IL33: variants seen among roughly 807,000 people sequenced by gnomAD.
The protein encoded by IL33 is interleukin-33.
IL33 carries 37 observed loss-of-function variants against 27.3 expected under a neutral mutation model. The ratio of observed to expected loss-of-function variants is 1.36; its 90% confidence interval spans 1.04 to 1.78. The LOEUF is 1.78. Ranked by LOEUF, IL33 falls within the 40% of genes most tolerant of loss-of-function variation. The pLI is 0.00. For missense variants in IL33, 406 were observed against 311.4 expected, an observed-to-expected ratio of 1.30 and a Z score of -2.29; for synonymous variants, 132 against 102.9, an observed-to-expected ratio of 1.28 and a Z score of -1.71.
At chr9:6,235,335 C>T (rs575346986) in intron 1 of IL33, among the ~76,000 whole-genome samples, 1 of 152,300 alleles carries the variant, frequency 6.6e-6, no homozygotes, top group East Asian at 1.9e-4. Context: ...ATGAGACACA[C>T]ACCCAGCCCT....
intron 1 of IL33, among the ~76,000 whole-genome samples, chr9:6,223,728 G>C (rs1001082386): frequency 6.6e-6 from 1 of 152,136 alleles, no homozygotes; most frequent in Non-Finnish European, 1.5e-5. Flanking sequence ...TATATCACTT[G>C]ATATACTTTT....
intron 7 of IL33, among the ~76,000 whole-genome samples, chr9:6,255,691 G>T (rs1430449312): frequency 6.6e-6 from 1 of 152,074 alleles, no homozygotes; most frequent in Non-Finnish European, 1.5e-5. Flanking sequence ...CATGTCAAAA[G>T]AAGGGTACAA....
chr9:6,230,511 C>T (rs1461124961), intron 1 of IL33, among the ~76,000 whole-genome samples: 3 of 152,152 alleles, frequency 2.0e-5, no homozygotes, highest in Non-Finnish European at 4.4e-5. Flanking sequence ...GAAACTGCTA[C>T]ACCCAAGGGA....
intron 2 of IL33, among the ~76,000 whole-genome samples, chr9:6,249,974 T>A (rs368101849): frequency 2.6e-5 from 4 of 152,184 alleles, no homozygotes; most frequent in African/African-American, 9.6e-5. Context: ...GAGAAAAGAT[T>A]GCACATTTCA....
rs1328521174 is a variant in IL33 at position 6,238,647 on chromosome 9, T to A, written c.-11-3037T>A. On this transcript the variant is annotated intron_variant, in intron 1 of 7. Transcript: ENST00000682010. ...TTTAACTGCTAGAAGAGATTATTCA[T>A]ATGAAGCTCATAAGAGATTTAAATT... Among the ~76,000 whole-genome samples the A allele has an allele frequency of 2.0e-5, 3 of 152,222 alleles. No homozygotes were observed. The East Asian group carries it at 5.8e-4, about 29-fold the overall frequency.
In IL33 at chr9:6,242,990, C is replaced by A. The variant is rs150470908; in HGVS notation, c.91+1205C>A. ...AGCAGGAGAAAGAGGAGAGGAGGGA[C>A]CAACCTTTTTTCAACAACCATCTTG... On this transcript the variant is annotated intron_variant, in intron 2 of 7. Coordinates refer to ENST00000682010, the MANE Select transcript of IL33 (RefSeq NM_033439.4). Among the ~76,000 whole-genome samples the A allele has an allele frequency of 1.2e-4, 18 of 152,228 alleles. No individual in the cohort carries two copies. In the East Asian group the frequency reaches 3.5e-3, roughly 29 times the overall value.
intron 1 of IL33, among the ~76,000 whole-genome samples, chr9:6,238,249 C>T (rs1291828826): frequency 2.0e-5 from 3 of 152,152 alleles, no homozygotes; most frequent in Admixed American, 1.3e-4. Context: ...TCAGTCTACT[C>T]ATCTGTAAAG....
At chr9:6,238,906 T>C (rs555702806) in intron 1 of IL33, among the ~76,000 whole-genome samples, 1 of 152,322 alleles carries the variant, frequency 6.6e-6, no homozygotes, top group Admixed American at 6.5e-5. Context: ...TTCTGCAATT[T>C]ATGATACAGA....
At chr9:6,226,159 C>T (rs867495737) in intron 1 of IL33, among the ~76,000 whole-genome samples, 178 of 152,128 alleles carry the variant, frequency 1.2e-3, no homozygotes, top group African/African-American at 4.0e-3. Flanking sequence ...AGGTGTGTGC[C>T]ACCACACCCA....
intron 2 of IL33, 144 bp from the exon 3 acceptor site, chr9:6,250,330 G>C: frequency 1.0e-6 from 1 of 963,588 alleles, no homozygotes; most frequent in Non-Finnish European, 1.5e-6. Flanking sequence ...AAAAAACTCC[G>C]AATTTTGAAA....
At chr9:6,224,274 A>G (rs571952670) in intron 1 of IL33, among the ~76,000 whole-genome samples, 11 of 152,284 alleles carry the variant, frequency 7.2e-5, no homozygotes, top group East Asian at 1.9e-4. Flanking sequence ...CTCTAACTAT[A>G]TAACTGTAAA....
At chr9:6,251,455 T>C (rs1854709) in intron 4 of IL33, among the ~76,000 whole-genome samples, 190 bp downstream of exon 4, 145,559 of 152,246 alleles carry the variant, frequency 0.96, 69,602 homozygotes, top group East Asian at 1. Flanking sequence ...TCTAATAATG[T>C]ACATGCATTC....
intron 1 of IL33, among the ~76,000 whole-genome samples, chr9:6,236,856 G>C (rs1215629551): frequency 6.6e-6 from 1 of 152,156 alleles, no homozygotes; most frequent in Non-Finnish European, 1.5e-5. Flanking sequence ...GGGCAGCAGA[G>C]GGAGACTCTG....
chr9:6,241,533 T>C (rs1782441632), intron 1 of IL33, 151 bp from the exon 2 acceptor site: 2 of 526,758 alleles, frequency 3.8e-6, no homozygotes, highest in Non-Finnish European at 6.9e-6. Flanking sequence ...CTAGCATGAA[T>C]GCATAGTTAG....
At chr9:6,240,174 C>A (rs887205657) in intron 1 of IL33, among the ~76,000 whole-genome samples, 2 of 152,178 alleles carry the variant, frequency 1.3e-5, no homozygotes. Context: ...TGAGTGACCA[C>A]GGCCTGTGAC....
chr9:6,252,771 C>T (rs1816477550), intron 4 of IL33, 95 bp from the exon 5 acceptor site: 1 of 1,441,320 alleles, frequency 6.9e-7, no homozygotes, highest in Non-Finnish European at 9.6e-7. Context: ...ATACAAAATG[C>T]AACTCAAATT....
chr9:6,219,445 C>T (rs1291429715), intron 1 of IL33, among the ~76,000 whole-genome samples: 1 of 152,022 alleles, frequency 6.6e-6, no homozygotes, highest in African/African-American at 2.4e-5. Flanking sequence ...ATGTTATTAT[C>T]GGTAGATTAC....
intron 7 of IL33, among the ~76,000 whole-genome samples, chr9:6,255,210 G>A (rs1033050544): frequency 3.3e-5 from 5 of 152,078 alleles, no homozygotes; most frequent in African/African-American, 1.2e-4. Context: ...TAGAGGCATG[G>A]AAGAAAACAG....
chr9:6,251,827 G>T (rs1289761358), intron 4 of IL33, among the ~76,000 whole-genome samples: 1 of 151,270 alleles, frequency 6.6e-6, no homozygotes, highest in Non-Finnish European at 1.5e-5. Flanking sequence ...ATCACCTGAG[G>T]TCAGGAGTTC....
Sources: allele counts gnomAD v4.1 joint callset (sites outside exome capture counted in the v4.1 genomes callset), GRCh38; gene constraint gnomAD v4.1.1; transcripts MANE v1.5; gene names NCBI Gene and HGNC (gene_info 2026-07-23, HGNC 2026-07-21).